PCSK5: variants seen among roughly 807,000 people sequenced by gnomAD.
PCSK5 encodes prohormone convertase 5.
PCSK5 carries 129 observed loss-of-function variants against 233.2 expected under a neutral mutation model. The observed-to-expected ratio is 0.55, with a 90% CI of 0.48 to 0.64. The LOEUF (loss-of-function observed/expected upper bound fraction) is 0.64. PCSK5 is among the 30% of genes least tolerant of loss of function. The probability of loss-of-function intolerance (pLI) is 0.00; values close to 1 mark genes in which losing one functional copy is unlikely to be tolerated. For synonymous variants in PCSK5, 825 were observed against 879.2 expected, an observed-to-expected ratio of 0.94 and a Z score of 1.09; for missense variants, 2,076 against 2,430.1, an observed-to-expected ratio of 0.85 and a Z score of 3.06.
intron 3 of PCSK5, among the ~76,000 whole-genome samples, chr9:76,022,550 G>A (rs1384411436): frequency 6.6e-6 from 1 of 152,106 alleles, no homozygotes; most frequent in Non-Finnish European, 1.5e-5. Flanking sequence ...TTCCTCTCCC[G>A]AGTCTTAAGA....
chr9:75,940,507 G>A (rs1174732253), intron 2 of PCSK5, among the ~76,000 whole-genome samples: 2 of 152,248 alleles, frequency 1.3e-5, no homozygotes, highest in Non-Finnish European at 2.9e-5. Context: ...GTGATTGGAT[G>A]TAGCTGGCAG....
chr9:76,092,811 C>T (rs1344289929), intron 7 of PCSK5, among the ~76,000 whole-genome samples: 3 of 152,038 alleles, frequency 2.0e-5, no homozygotes, highest in Admixed American at 6.6e-5. Flanking sequence ...CACAGTGGAC[C>T]GTCTATGGGT....
At chr9:76,125,903 C>G (rs922674258) in intron 9 of PCSK5, among the ~76,000 whole-genome samples, 1 of 152,174 alleles carries the variant, frequency 6.6e-6, no homozygotes. Context: ...TGATGCAGGA[C>G]TAGCAATCTT....
chr9:76,108,612 G>A (rs926239862), intron 9 of PCSK5, among the ~76,000 whole-genome samples: 4 of 152,174 alleles, frequency 2.6e-5, no homozygotes, highest in African/African-American at 9.7e-5. Flanking sequence ...AATTAGTTCG[G>A]TGTGGTGGTG....
intron 1 of PCSK5, among the ~76,000 whole-genome samples, chr9:75,929,070 G>A (rs1823655020): frequency 2.0e-5 from 3 of 152,072 alleles, no homozygotes; most frequent in Admixed American, 2.0e-4. Context: ...CGAGTAGCTG[G>A]GACTACAGGC....
chr9:76,071,345 A>T (rs1220895016), intron 6 of PCSK5, among the ~76,000 whole-genome samples: 3 of 152,282 alleles, frequency 2.0e-5, no homozygotes, highest in Non-Finnish European at 4.4e-5. Flanking sequence ...GTTAGATAGA[A>T]TGTTTTATAT....
chr9:76,247,788 A>G (rs570466250), intron 24 of PCSK5, among the ~76,000 whole-genome samples: 1 of 133,496 alleles, frequency 7.5e-6, no homozygotes, highest in African/African-American at 2.8e-5. Context: ...TTTATTTTTT[A>G]ATCTTTTTTT....
intron 2 of PCSK5, among the ~76,000 whole-genome samples, chr9:75,935,171 A>G (rs977318438): frequency 1.3e-5 from 2 of 152,058 alleles, no homozygotes; most frequent in African/African-American, 4.8e-5. Context: ...GTTTTCAAGC[A>G]ACTGTCTTGT....
chr9:76,047,264 CTT>C, intron 5 of PCSK5, among the ~76,000 whole-genome samples: 1 of 151,774 alleles, frequency 6.6e-6, no homozygotes, highest in Non-Finnish European at 1.5e-5. Context: ...GCCCAGCTAA[CTT>C]TTTGTATTTT....
intron 3 of PCSK5, among the ~76,000 whole-genome samples, chr9:76,020,769 A>C (rs922131291): frequency 6.6e-6 from 1 of 152,202 alleles, no homozygotes; most frequent in East Asian, 1.9e-4. Flanking sequence ...TTACAATTTC[A>C]GGCAGCATCC....
intron 5 of PCSK5, among the ~76,000 whole-genome samples, chr9:76,052,032 A>G (rs1419196332): frequency 6.6e-6 from 1 of 152,208 alleles, no homozygotes; most frequent in African/African-American, 2.4e-5. Flanking sequence ...CAAGTCTCAC[A>G]CCAAAAACTA....
At chr9:76,249,137 C>T (rs1005721276) in intron 24 of PCSK5, among the ~76,000 whole-genome samples, 2 of 152,204 alleles carry the variant, frequency 1.3e-5, no homozygotes, top group East Asian at 3.8e-4. Context: ...CCATGAAACA[C>T]TTGTCGATGT....
intron 20 of PCSK5, among the ~76,000 whole-genome samples, chr9:76,198,435 A>C (rs1275932980): frequency 1.3e-5 from 2 of 152,150 alleles, no homozygotes; most frequent in Non-Finnish European, 2.9e-5. Context: ...GGATTTATTT[A>C]ATTTGGCCCA....
chr9:76,052,703 CCTT>C (rs1367515423), intron 5 of PCSK5, among the ~76,000 whole-genome samples: 1 of 152,160 alleles, frequency 6.6e-6, no homozygotes, highest in Non-Finnish European at 1.5e-5. Context: ...ACCAATTATG[CCTT>C]CCCAGCAGTC....
rs59248860 is a variant in PCSK5 at position 76,173,496 on chromosome 9, CTTTTTTTTTTTTTTTT to C, written c.1757-1469_1757-1454del. ...CTTTAATGAAATGGAGGCACGTTTCCTTTTTTTTTTTTTTTTTTTTTTTTTTTTTTTTTTTTACTTT... is the reference window on the plus strand; with the variant it reads ...CTTTAATGAAATGGAGGCACGTTTCCTTTTTTTTTTTTTTTTTTTTACTTT... On this transcript the variant is annotated intron_variant, in intron 13 of 37. Transcript: ENST00000674117. Among the ~76,000 whole-genome samples, 218 of 61,008 alleles carry C rather than the reference CTTTTTTTTTTTTTTTT, an allele frequency of 3.6e-3. 1 individual carries two copies. The highest frequency in any genetic ancestry group is 0.011 in the African/African-American group (191 of 17,748). 40.0% of individuals were successfully genotyped at this position (61,008 alleles called of 152,430 possible). A position where few individuals can be genotyped will look rare whatever the true frequency, so the allele number is the denominator to read the frequency against.
At chr9:76,148,733 A>C (rs1823552491) in intron 10 of PCSK5, among the ~76,000 whole-genome samples, 1 of 151,832 alleles carries the variant, frequency 6.6e-6, no homozygotes, top group Admixed American at 6.6e-5. Flanking sequence ...CATTTCTTTC[A>C]CCATTTCCAT....
chr9:76,273,596 T>TATATATATATATATATA (rs397822892), intron 24 of PCSK5, among the ~76,000 whole-genome samples: 25 of 145,110 alleles, frequency 1.7e-4, no homozygotes, highest in African/African-American at 2.8e-4. Context: ...TATATATATA[T>TATATATATATATATATA]TTGTACTGCT....
intron 24 of PCSK5, among the ~76,000 whole-genome samples, chr9:76,272,773 C>CAAAAAAAAAAAA (rs71372058): frequency 2.6e-4 from 13 of 49,976 alleles, no homozygotes; most frequent in South Asian, 1.6e-3. Context: ...GACTCCATCT[C>CAAAAAAAAAAAA]AAAAAAAAAA....
chr9:76,310,780 C>A lies in PCSK5; in HGVS notation c.3813C>A (p.Cys1271Ter). ...ACAICSGADL[C>*]KKCQMQPGHP... Reference sequence around the variant, plus strand: ...CCATCTGCTCTGGAGCCGATCTTTGCAAAAAATGCCAGATGCAGCCGGGCC... The same window carrying A: ...CCATCTGCTCTGGAGCCGATCTTTGAAAAAAATGCCAGATGCAGCCGGGCC... Residue 1271 changes from cysteine to a stop codon, truncating the protein, a stop_gained, in exon 30 of 38, where the codon TGC becomes TGA. Transcript: ENST00000674117. LOFTEE classifies it high-confidence loss of function. 1 of 1,611,910 alleles carries A rather than the reference C, an allele frequency of 6.2e-7. No individual in the cohort carries two copies.
Sources: allele counts gnomAD v4.1 joint callset (sites outside exome capture counted in the v4.1 genomes callset), GRCh38; gene constraint gnomAD v4.1.1; transcripts MANE v1.5; gene names NCBI Gene and HGNC (gene_info 2026-07-23, HGNC 2026-07-21).